CHID1: variants seen among roughly 807,000 people sequenced by gnomAD.
CHID1 encodes the protein chitinase domain-containing protein 1.
CHID1 carries 44 observed loss-of-function variants against 55.4 expected under a neutral mutation model. The ratio of observed to expected loss-of-function variants is 0.79; its 90% CI spans 0.62 to 1.02. The LOEUF (loss-of-function observed/expected upper bound fraction) is 1.02. Among genes scored for constraint, CHID1 ranks in the 50% least tolerant of loss-of-function variants. The pLI is 0.00. For synonymous variants in CHID1, 216 were observed against 212.9 expected, an observed-to-expected ratio of 1.01 and a Z score of -0.13; for missense variants, 491 against 515.3, an observed-to-expected ratio of 0.95 and a Z score of 0.46.
At chr11:892,163 C>A (rs1029957415) in intron 8 of CHID1, among the ~76,000 whole-genome samples, 39 of 152,166 alleles carry the variant, frequency 2.6e-4, no homozygotes, top group South Asian at 4.1e-4. Flanking sequence ...GGGCCCCACA[C>A]CCGGGACACA....
chr11:896,198 A>AC (rs1403302638), intron 7 of CHID1, among the ~76,000 whole-genome samples: 1 of 88,706 alleles, frequency 1.1e-5, no homozygotes, highest in African/African-American at 5.0e-5. Flanking sequence ...CTGTCTCAGC[A>AC]CCCCCAGCCT....
upstream of CHID1, among the ~76,000 whole-genome samples, chr11:912,140 G>A (rs1443784958): frequency 3.3e-5 from 5 of 152,136 alleles, no homozygotes; most frequent in Admixed American, 3.3e-4. Context: ...TGGCCAACAT[G>A]GTGGAACCCT....
chr11:900,304 G>A (rs758777948), intron 5 of CHID1, among the ~76,000 whole-genome samples, 194 bp from the exon 6 acceptor site: 1 of 152,188 alleles, frequency 6.6e-6, no homozygotes, highest in African/African-American at 2.4e-5. Context: ...TGGAGAGGGA[G>A]GGGTGGTGGG....
At chr11:907,959 G>A (rs140787619) in intron 1 of CHID1, among the ~76,000 whole-genome samples, 27 of 152,322 alleles carry the variant, frequency 1.8e-4, no homozygotes, top group African/African-American at 5.8e-4. Context: ...TTCTTCTGCA[G>A]AGGCACACGC....
upstream of CHID1, chr11:914,517 C>T (rs1176663439): frequency 7.8e-7 from 1 of 1,288,534 alleles, no homozygotes; most frequent in South Asian, 1.2e-5. Flanking sequence ...AGACCCCATG[C>T]CTTACCTGGG....
chr11:892,768 C>T (rs376667574), intron 8 of CHID1, among the ~76,000 whole-genome samples: 22 of 152,338 alleles, frequency 1.4e-4, no homozygotes, highest in African/African-American at 4.3e-4. Context: ...AGAGAAAAGT[C>T]GGTTGACTGT....
intron 7 of CHID1, among the ~76,000 whole-genome samples, chr11:894,751 G>A (rs1000450014): frequency 1.9e-4 from 29 of 152,184 alleles, no homozygotes; most frequent in African/African-American, 7.0e-4. Flanking sequence ...GGTTAGGTCA[G>A]GACGAGGTGA....
intron 4 of CHID1, 123 bp downstream of exon 4, chr11:902,075 C>T: frequency 6.4e-6 from 7 of 1,086,478 alleles, no homozygotes; most frequent in South Asian, 1.4e-5. Context: ...CAGAGACACA[C>T]ACACACTCCC....
Position 875,943 on chromosome 11 carries a change from G to A in CHID1, c.960-5444C>T, listed in dbSNP as rs1366634766. On this transcript the variant is annotated intron_variant, in intron 10 of 12. Coordinates refer to ENST00000323578, the MANE Select transcript of CHID1 (RefSeq NM_023947.4). The surrounding 1 kb of genome is among the most constrained non-coding windows in gnomAD (Gnocchi z 4.7). The stretch of plus-strand genomic sequence containing the variant: ...GGAGGCTGGGACTGGATGACTGGCT[G>A]GTGTGGGTGGCAGGCGCCGCATTGC... Among the ~76,000 whole-genome samples, 4 of 152,176 alleles carry A rather than the reference G, an allele frequency of 2.6e-5. No homozygotes were observed. The highest frequency in any genetic ancestry group is 9.7e-5 in the African/African-American group (4 of 41,448).
At chr11:878,947 C>T (rs922084957) in intron 10 of CHID1, among the ~76,000 whole-genome samples, 1 of 152,034 alleles carries the variant, frequency 6.6e-6, no homozygotes, top group Non-Finnish European at 1.5e-5. Context: ...CCAGGGTTCA[C>T]GCTATTCTCC....
chr11:870,956 G>C (rs1036283910), intron 10 of CHID1, among the ~76,000 whole-genome samples: 1 of 151,538 alleles, frequency 6.6e-6, no homozygotes, highest in East Asian at 2.0e-4. Flanking sequence ...GCCTTGTACT[G>C]GGGATGGCTG....
intron 10 of CHID1, among the ~76,000 whole-genome samples, chr11:876,689 C>T (rs1406783831): frequency 6.6e-6 from 1 of 152,236 alleles, no homozygotes; most frequent in Admixed American, 6.5e-5. Flanking sequence ...GGCTGTGCAG[C>T]GTCAGCACTC....
chr11:870,076 C>A, intron 12 of CHID1, 45 bp downstream of exon 12: 1 of 1,611,850 alleles, frequency 6.2e-7, no homozygotes, highest in Non-Finnish European at 8.5e-7. Flanking sequence ...TGTGCTGTCG[C>A]ATGGCCCACC....
intron 8 of CHID1, among the ~76,000 whole-genome samples, chr11:891,750 A>G (rs1850841126): frequency 6.6e-6 from 1 of 152,124 alleles, no homozygotes; most frequent in Non-Finnish European, 1.5e-5. Flanking sequence ...AGGTGCTGTC[A>G]GCTCTGGAAG....
rs748353877 is a variant in CHID1 at position 893,415 on chromosome 11, A to G, written c.701+12T>C. The G allele has an allele frequency of 8.4e-6, 13 of 1,546,414 alleles. No individual in the cohort carries two copies. In the South Asian group the frequency reaches 1.4e-4, roughly 17 times the overall value. On this transcript the variant is annotated intron_variant, in intron 8 of 12. Coordinates refer to ENST00000323578, the MANE Select transcript of CHID1 (RefSeq NM_023947.4). ...TCCACAGCCACCCCCACATCTCAAG[A>G]GCGGCACTTACCCGGGGGTGATGGC... is the stretch of plus-strand genomic sequence containing the variant.
intron 8 of CHID1, among the ~76,000 whole-genome samples, chr11:888,511 A>C (rs1850562212): frequency 6.6e-6 from 1 of 152,244 alleles, no homozygotes; most frequent in Non-Finnish European, 1.5e-5. Context: ...ACAAGAGGGG[A>C]TCACCACGGC....
chr11:870,522 T>C (rs1008356033), intron 10 of CHID1, 23 bp from the exon 11 acceptor site: 2 of 1,568,490 alleles, frequency 1.3e-6, no homozygotes, highest in African/African-American at 1.4e-5. Flanking sequence ...GGATATGGAT[T>C]TGGGAGCCCA....
chr11:914,731 A>ACCTGC, upstream of CHID1: 1 of 357,226 alleles, frequency 2.8e-6, no homozygotes, highest in Non-Finnish European at 5.2e-6. Context: ...CAAAAAAAAA[A>ACCTGC]AAAAATTACT....
chr11:875,803 A>G lies in CHID1; in HGVS notation c.960-5304T>C, dbSNP rs1406556622. Among the ~76,000 whole-genome samples, 2 of 152,116 alleles carry G rather than the reference A, an allele frequency of 1.3e-5. No individual in the cohort carries two copies. Among genetic ancestry groups the G allele is most frequent in the Non-Finnish European group, 2.9e-5 (2 of 68,020 alleles). ...CGGCAGTGATGAGGACCACGTGCCT[A>G]AGATTCAATCCCTGCTGCTGCCGGC... On this transcript the variant is annotated intron_variant, in intron 10 of 12. Coordinates refer to ENST00000323578, the MANE Select transcript of CHID1 (RefSeq NM_023947.4). The surrounding 1 kb of genome is among the most constrained non-coding windows in gnomAD (Gnocchi z 4.7).
Sources: allele counts gnomAD v4.1 joint callset (sites outside exome capture counted in the v4.1 genomes callset), GRCh38; gene constraint gnomAD v4.1.1; non-coding constraint Gnocchi (gnomAD v3.1); transcripts MANE v1.5; gene names NCBI Gene and HGNC (gene_info 2026-07-23, HGNC 2026-07-21).